The following TIMM9 variants were observed in gnomAD, a reference collection of about 807,000 sequenced individuals.
TIMM9 encodes the protein mitochondrial import inner membrane translocase subunit Tim9.
TIMM9 carries 10 observed loss-of-function variants against 13.4 expected under a neutral mutation model. The ratio of observed to expected loss-of-function variants is 0.75; its 90% CI spans 0.46 to 1.26. The LOEUF (loss-of-function observed/expected upper bound fraction) is 1.26, where lower values mean the gene tolerates loss of function less well. Among genes scored for constraint, TIMM9 ranks in the 50% most tolerant of loss-of-function variants. The probability of loss-of-function intolerance (pLI) is 0.00; values close to 1 mark genes in which losing one functional copy is unlikely to be tolerated. For synonymous variants in TIMM9, 32 were observed against 32.1 expected (o/e 1.00, Z 0.01); for missense variants, 87 against 100.8 (o/e 0.86, Z 0.58).
chr14:58,426,554 T>C (rs1371316810), intron 2 of TIMM9, among the ~76,000 whole-genome samples: 1 of 152,194 alleles, frequency 6.6e-6, no homozygotes, highest in African/African-American at 2.4e-5. Context: ...ACTGCCGAGA[T>C]GTAAAAGAAA....
intron 3 of TIMM9, 104 bp from the exon 4 acceptor site, chr14:58,412,075 G>A: frequency 1.3e-6 from 1 of 770,152 alleles, no homozygotes; most frequent in Admixed American, 2.4e-5. Context: ...ATCTGTGTAT[G>A]TAATTGTATG....
intron 3 of TIMM9, among the ~76,000 whole-genome samples, chr14:58,417,181 C>T (rs1416896114): frequency 1.3e-5 from 2 of 152,080 alleles, no homozygotes; most frequent in African/African-American, 4.8e-5. Flanking sequence ...GCCTCCCCAG[C>T]CATGTGGAAC....
In TIMM9 at chr14:58,427,133, C is replaced by G. The variant is rs547475927; in HGVS notation, c.-194G>C. The G allele has an allele frequency of 1.3e-4, 21 of 163,358 alleles. No homozygotes were observed. The East Asian group carries it at 3.8e-3, about 29-fold the overall frequency. The allele number at this position is 163,358 out of a possible 1,614,324, so 10.1% of individuals were successfully genotyped here. On this transcript the variant is annotated 5_prime_UTR_variant, in exon 2 of 6. Coordinates refer to ENST00000395159, the MANE Select transcript of TIMM9 (RefSeq NM_012460.4). ...ACGGTTGAGCCTTGGGAGGGAGGGT[C>G]AGGGTCTGGACAGGAGCCGCGGCCG...
At position 58,417,645 on chromosome 14, in the gene TIMM9, GGAA is replaced by G. The variant is rs2036460854; in HGVS notation, c.-26-5677_-26-5675del. On this transcript the variant is annotated intron_variant, in intron 3 of 5. Coordinates refer to ENST00000395159, the MANE Select transcript of TIMM9 (RefSeq NM_012460.4). ...GGGAAGGGAGGGAGGGAGGGAGGGA[GGAA>G]GAAAGGAAGGAAGGAAGGTAGGAAG... Among the ~76,000 whole-genome samples the G allele has an allele frequency of 2.7e-5, 4 of 147,226 alleles. No homozygotes were observed. In the South Asian group the frequency reaches 8.7e-4, roughly 32 times the overall value.
chr14:58,422,319 T>C (rs1281365794), intron 3 of TIMM9, among the ~76,000 whole-genome samples: 1 of 152,020 alleles, frequency 6.6e-6, no homozygotes, highest in African/African-American at 2.4e-5. Flanking sequence ...TTTCTCCACA[T>C]TGGTGAGGCT....
chr14:58,422,220 A>G (rs910322657), intron 3 of TIMM9, among the ~76,000 whole-genome samples: 1 of 151,354 alleles, frequency 6.6e-6, no homozygotes, highest in African/African-American at 2.4e-5. Context: ...GGTTCAAGCG[A>G]TTCTCCTGCC....
chr14:58,424,126 C>T (rs1337452987), intron 2 of TIMM9, 31 bp from the exon 3 acceptor site: 1 of 152,110 alleles, frequency 6.6e-6, no homozygotes, highest in African/African-American at 2.4e-5. Context: ...ATTACTAAGT[C>T]CCCTTCAAGT....
intron 4 of TIMM9, among the ~76,000 whole-genome samples, 181 bp downstream of exon 4, chr14:58,411,726 G>C (rs1303176481): frequency 6.6e-6 from 1 of 151,858 alleles, no homozygotes; most frequent in Non-Finnish European, 1.5e-5. Flanking sequence ...TTTAGGAGAC[G>C]GAGTTTCACC....
chr14:58,422,115 CTTTTTTT>C (rs762867153), intron 3 of TIMM9, among the ~76,000 whole-genome samples: 1 of 126,672 alleles, frequency 7.9e-6, no homozygotes, highest in African/African-American at 2.9e-5. Context: ...AGTATGAAAT[CTTTTTTT>C]TTTTTTTTTG....
intron 3 of TIMM9, among the ~76,000 whole-genome samples, chr14:58,419,756 C>CA (rs1196858357): frequency 4.0e-5 from 6 of 150,558 alleles, no homozygotes; most frequent in Middle Eastern, 3.5e-3. Flanking sequence ...AATACACACA[C>CA]AAAAAAAATT....
chr14:58,414,736 C>CA (rs35380721), intron 3 of TIMM9, among the ~76,000 whole-genome samples: 17,255 of 117,514 alleles, frequency 0.15, 2,474 homozygotes, highest in African/African-American at 0.36. Flanking sequence ...GACGCCATCT[C>CA]AAAAAAAAAA....
rs1357062872 is a variant in TIMM9, at chr14:58,408,673, T to A, written c.*361A>T. 10 of 1,325,592 alleles carry A rather than the reference T, an allele frequency of 7.5e-6. No individual in the cohort carries two copies. Among genetic ancestry groups the A allele is most frequent in the Admixed American group, 2.5e-5 (1 of 39,736 alleles). The allele number at this position is 1,325,592 out of a possible 1,614,324, so 82.1% of individuals were successfully genotyped here. On this transcript the variant is annotated 3_prime_UTR_variant, in exon 6 of 6. Coordinates refer to ENST00000395159, the MANE Select transcript of TIMM9 (RefSeq NM_012460.4). ...TCAGTGATATTTCCATTTATTTTAC[T>A]TTGAGTAATAAAAATTTTTCTATCT...
rs536891236 is a variant in TIMM9 at position 58,427,232 on chromosome 14, C to T, written c.-293G>A. ...ACCCTTAGACGCCGATTCGTTATAA[C>T]GCGAGGAAATCTAGAAGAAAAAGCA... On this transcript the variant is annotated 5_prime_UTR_variant, in exon 2 of 6. Coordinates refer to ENST00000395159, the MANE Select transcript of TIMM9 (RefSeq NM_012460.4). 9 of 209,358 alleles carry T rather than the reference C, an allele frequency of 4.3e-5. No individual in the cohort carries two copies. Among genetic ancestry groups the T allele is most frequent in the Admixed American group, 3.3e-4 (6 of 18,244 alleles). 13.0% of individuals were successfully genotyped at this position (209,358 alleles called of 1,614,324 possible).
intron 3 of TIMM9, among the ~76,000 whole-genome samples, chr14:58,415,754 G>A (rs1373664684): frequency 6.6e-6 from 1 of 152,088 alleles, no homozygotes; most frequent in African/African-American, 2.4e-5. Flanking sequence ...AGTCCAAGAA[G>A]GAGAGGAAGA....
chr14:58,427,492 T>A lies in TIMM9; in HGVS notation c.-404A>T. On this transcript the variant is annotated 5_prime_UTR_variant, in exon 1 of 6. Coordinates refer to ENST00000395159, the MANE Select transcript of TIMM9 (RefSeq NM_012460.4). ...AGTCGGGAGCTCTTCAAGTCTTGGA[T>A]GAGACTGTAGAGCGGTCTTGTGCGG... 8.6e-7 allele frequency: 1 copy of A among 1,163,354 alleles called. No individual in the cohort carries two copies. The highest frequency in any genetic ancestry group is 1.4e-5 in the South Asian group (1 of 72,356). 72.1% of individuals were successfully genotyped at this position (1,163,354 alleles called of 1,614,324 possible).
chr14:58,418,612 C>T (rs2036489462), intron 3 of TIMM9, among the ~76,000 whole-genome samples: 1 of 152,088 alleles, frequency 6.6e-6, no homozygotes, highest in South Asian at 2.1e-4. Flanking sequence ...GTCCAGTATA[C>T]ACAATAAGTA....
In TIMM9 at chr14:58,424,376, A is replaced by T. The variant is rs188561697; in HGVS notation, c.-114-281T>A. Among the ~76,000 whole-genome samples, 187 of 152,296 alleles carry T rather than the reference A, an allele frequency of 1.2e-3. 1 individual carries two copies. The highest frequency in any genetic ancestry group is 3.4e-3 in the African/African-American group (140 of 41,574). On this transcript the variant is annotated intron_variant, in intron 2 of 5. Coordinates refer to ENST00000395159, the MANE Select transcript of TIMM9 (RefSeq NM_012460.4). ...TAATTCTGGGAGGGATGGTTCAGAAATCTTAAGAAACTTACATGAGGTCAC... is the reference window on the plus strand; with the variant it reads ...TAATTCTGGGAGGGATGGTTCAGAATTCTTAAGAAACTTACATGAGGTCAC...
chr14:58,410,186 C>T (rs1274992042), intron 5 of TIMM9, among the ~76,000 whole-genome samples: 1 of 151,924 alleles, frequency 6.6e-6, no homozygotes. Context: ...ACCCTCTCAC[C>T]TCAGCTCCCG....
chr14:58,422,942 G>A (rs1176422987), intron 3 of TIMM9, among the ~76,000 whole-genome samples: 3 of 151,898 alleles, frequency 2.0e-5, no homozygotes, highest in Non-Finnish European at 4.4e-5. Context: ...CTGAGTAGCT[G>A]GGATTACAGG....
Sources: allele counts gnomAD v4.1 joint callset (sites outside exome capture counted in the v4.1 genomes callset), GRCh38; gene constraint gnomAD v4.1.1; transcripts MANE v1.5; gene names NCBI Gene and HGNC (gene_info 2026-07-23, HGNC 2026-07-21).